GRIA4: variants seen among roughly 807,000 people sequenced by gnomAD.
GRIA4 encodes the protein glutamate ionotropic receptor AMPA type subunit 4.
Under a neutral mutation model 104.0 loss-of-function variants are expected in GRIA4, and 34 were observed. The ratio of observed to expected loss-of-function variants is 0.33; its 90% CI spans 0.25 to 0.44. The LOEUF is 0.44. Among genes scored for constraint, GRIA4 ranks in the 20% least tolerant of loss-of-function variants. GRIA4 has a pLI of 1.00. For missense variants in GRIA4, 750 were observed against 1,096.5 expected (o/e 0.68, Z 4.46); for synonymous variants, 386 against 381.9 (o/e 1.01, Z -0.13).
At chr11:105,660,016 G>T (rs567113437) in intron 3 of GRIA4, among the ~76,000 whole-genome samples, 6 of 151,716 alleles carry the variant, frequency 4.0e-5, no homozygotes, top group Admixed American at 2.6e-4. Flanking sequence ...GTCAAAGAAA[G>T]CTTCCAAAAG....
At chr11:105,833,240 C>G (rs1020146091) in intron 4 of GRIA4, among the ~76,000 whole-genome samples, 3 of 151,896 alleles carry the variant, frequency 2.0e-5, no homozygotes, top group South Asian at 4.1e-4. Flanking sequence ...GGGTTATTAT[C>G]CAAAAATAAC....
intron 4 of GRIA4, among the ~76,000 whole-genome samples, chr11:105,761,411 C>G (rs1940644489): frequency 6.6e-6 from 1 of 152,092 alleles, no homozygotes; most frequent in East Asian, 1.9e-4. Flanking sequence ...GCACTAAGTA[C>G]TTTACTATGT....
At chr11:105,797,465 G>A (rs1942527896) in intron 4 of GRIA4, among the ~76,000 whole-genome samples, 1 of 152,198 alleles carries the variant, frequency 6.6e-6, no homozygotes, top group East Asian at 1.9e-4. Context: ...TCGGGCCTAA[G>A]GTTACACTCT....
intron 14 of GRIA4, among the ~76,000 whole-genome samples, chr11:105,954,910 T>TTATA (rs56101816): frequency 2.7e-3 from 124 of 45,742 alleles, no homozygotes; most frequent in South Asian, 4.6e-3. Flanking sequence ...TGCTTTCAAT[T>TTATA]TATATATATA....
At chr11:105,738,993 G>A (rs1168181934) in intron 3 of GRIA4, among the ~76,000 whole-genome samples, 1 of 148,378 alleles carries the variant, frequency 6.7e-6, no homozygotes, top group African/African-American at 2.5e-5. Flanking sequence ...TGATTTAGAT[G>A]CCTTTTAGAA....
chr11:105,628,073 ATGTG>A (rs1399242347), intron 3 of GRIA4, among the ~76,000 whole-genome samples: 2 of 151,916 alleles, frequency 1.3e-5, no homozygotes, highest in Non-Finnish European at 2.9e-5. Flanking sequence ...CATCATATAT[ATGTG>A]TGTATGTGTA....
At chr11:105,818,464 C>G (rs531551018) in intron 4 of GRIA4, among the ~76,000 whole-genome samples, 1 of 152,116 alleles carries the variant, frequency 6.6e-6, no homozygotes, top group Non-Finnish European at 1.5e-5. Flanking sequence ...AGGTAAAGAA[C>G]GAATCTTCAT....
At chr11:105,841,947 T>C (rs1944408765) in intron 4 of GRIA4, among the ~76,000 whole-genome samples, 1 of 152,212 alleles carries the variant, frequency 6.6e-6, no homozygotes, top group South Asian at 2.1e-4. Context: ...ATTTACTGAG[T>C]ACCTACTATG....
chr11:105,866,571 A>G (rs1462032625), intron 5 of GRIA4, among the ~76,000 whole-genome samples: 1 of 115,378 alleles, frequency 8.7e-6, no homozygotes, highest in East Asian at 2.1e-4. Flanking sequence ...ATATATATAT[A>G]TATATATATA....
intron 3 of GRIA4, among the ~76,000 whole-genome samples, chr11:105,718,679 C>T (rs1446176579): frequency 1.3e-5 from 2 of 152,136 alleles, no homozygotes; most frequent in Admixed American, 6.6e-5. Flanking sequence ...GGTGGTGTCT[C>T]GACCTAGTTA....
intron 3 of GRIA4, among the ~76,000 whole-genome samples, chr11:105,640,586 A>G (rs1951331220): frequency 6.6e-6 from 1 of 151,894 alleles, no homozygotes; most frequent in South Asian, 2.1e-4. Flanking sequence ...TATTTTATGA[A>G]TGTTAGTAAT....
At chr11:105,684,447 A>G (rs1021276530) in intron 3 of GRIA4, among the ~76,000 whole-genome samples, 5 of 151,472 alleles carry the variant, frequency 3.3e-5, no homozygotes, top group African/African-American at 1.2e-4. Flanking sequence ...ATAAAGTTAG[A>G]TGAGATTATG....
intron 3 of GRIA4, among the ~76,000 whole-genome samples, chr11:105,628,508 A>T (rs112405304): frequency 6.6e-6 from 1 of 151,984 alleles, no homozygotes; most frequent in African/African-American, 2.4e-5. Flanking sequence ...CTGAGATCTG[A>T]TGGTTTTATA....
chr11:105,875,463 T>G (rs1283260310), intron 5 of GRIA4, among the ~76,000 whole-genome samples: 1 of 152,168 alleles, frequency 6.6e-6, no homozygotes. Context: ...CTTTTTCTAT[T>G]GTTTGGAATT....
intron 5 of GRIA4, among the ~76,000 whole-genome samples, 162 bp from the exon 6 acceptor site, chr11:105,887,356 CT>C (rs1363391344): frequency 6.6e-6 from 1 of 151,948 alleles, no homozygotes; most frequent in East Asian, 1.9e-4. Context: ...CTGAATATGG[CT>C]TATCAATTCT....
rs73627642 is a variant in GRIA4, at chr11:105,665,240, A to G, written c.247+52806A>G. On this transcript the variant is annotated intron_variant, in intron 3 of 16. Transcript: ENST00000282499. Reference sequence around the variant, plus strand: ...TTATATAAAGCAAGTATTTGCCTCAATACTTTTTTCAGTACTGTGTACCAA... The same window carrying G: ...TTATATAAAGCAAGTATTTGCCTCAGTACTTTTTTCAGTACTGTGTACCAA... 4.8e-3 allele frequency among the ~76,000 whole-genome samples: 735 copies of G among 152,144 alleles called. 9 individuals are homozygous for G. Among genetic ancestry groups the G allele is most frequent in the African/African-American group, 0.017 (701 of 41,538 alleles).
chr11:105,667,226 C>T (rs766056655), intron 3 of GRIA4, among the ~76,000 whole-genome samples: 1 of 151,784 alleles, frequency 6.6e-6, no homozygotes, highest in African/African-American at 2.4e-5. Flanking sequence ...TACGAAGATA[C>T]CCTATATTTA....
At chr11:105,833,726 CAT>C (rs1241662946) in intron 4 of GRIA4, among the ~76,000 whole-genome samples, 1 of 151,856 alleles carries the variant, frequency 6.6e-6, no homozygotes, top group Non-Finnish European at 1.5e-5. Context: ...GTCTTAACTA[CAT>C]GTTTCTATTT....
At chr11:105,891,175 T>C (rs2136108938) in intron 6 of GRIA4, among the ~76,000 whole-genome samples, 1 of 152,324 alleles carries the variant, frequency 6.6e-6, no homozygotes, top group Middle Eastern at 3.4e-3. Context: ...ACAAGTATGA[T>C]GATATCGTTT....
Sources: allele counts gnomAD v4.1 joint callset (sites outside exome capture counted in the v4.1 genomes callset), GRCh38; gene constraint gnomAD v4.1.1; transcripts MANE v1.5; gene names NCBI Gene and HGNC (gene_info 2026-07-23, HGNC 2026-07-21).